TRPM1: variants seen among roughly 807,000 people sequenced by gnomAD.
TRPM1 encodes transient receptor potential cation channel subfamily M member 1, also known as TRPM1-203 APA Isoform, Intron 10.
Under a neutral mutation model 149.4 loss-of-function variants are expected in TRPM1, and 113 were observed. The ratio of observed to expected loss-of-function variants is 0.76; its 90% CI spans 0.65 to 0.88. The LOEUF (loss-of-function observed/expected upper bound fraction) is 0.88, where lower values mean the gene tolerates loss of function less well. Ranked by LOEUF, TRPM1 falls within the 40% of genes least tolerant of loss-of-function variation. The pLI is 0.00. For missense variants in TRPM1, 1,976 were observed against 2,038.7 expected, an observed-to-expected ratio of 0.97 and a Z score of 0.59; for synonymous variants, 741 against 759.5, an observed-to-expected ratio of 0.98 and a Z score of 0.40.
At position 31,035,856 on chromosome 15, in the gene TRPM1, G is replaced by A. The variant is rs185200967; in HGVS notation, c.2572-182C>T. On this transcript the variant is annotated intron_variant, in intron 20 of 27. Transcript: ENST00000256552. ...CAGACAGAAGACCTGGAGGCAGGAC[G>A]GGAGGCATTTTATACTTCAGCACGA... 2.4e-3 allele frequency: 1,958 copies of A among 812,256 alleles called. 8 individuals are homozygous for A. Among genetic ancestry groups the A allele is most frequent in the South Asian group, 3.6e-3 (231 of 63,798 alleles). 50.3% of individuals were successfully genotyped at this position (812,256 alleles called of 1,614,324 possible). A position where few individuals can be genotyped will look rare whatever the true frequency, so the allele number is the denominator to read the frequency against.
chr15:31,067,584 C>T (rs376907799), intron 5 of TRPM1, among the ~76,000 whole-genome samples: 12 of 152,124 alleles, frequency 7.9e-5, no homozygotes, highest in African/African-American at 1.7e-4. Context: ...AAAGGATTGT[C>T]GAGAGGTCTA....
chr15:31,064,777 ACT>A (rs1022561280), intron 7 of TRPM1, among the ~76,000 whole-genome samples: 2 of 152,004 alleles, frequency 1.3e-5, no homozygotes, highest in Non-Finnish European at 2.9e-5. Flanking sequence ...ATGTTGAATA[ACT>A]CTGCTGTGTC....
chr15:31,044,239 C>T (rs2033701687), intron 16 of TRPM1, among the ~76,000 whole-genome samples: 1 of 152,138 alleles, frequency 6.6e-6, no homozygotes. Flanking sequence ...CAATTTATAC[C>T]TTTAATGCAT....
In TRPM1 at chr15:31,072,026, G is replaced by T. The variant is rs1388153809; in HGVS notation, c.84-1800C>A. Among the ~76,000 whole-genome samples, 35 of 103,892 alleles carry T rather than the reference G, an allele frequency of 3.4e-4. 1 individual carries two copies. The highest frequency in any genetic ancestry group is 3.2e-4 in the Non-Finnish European group (14 of 44,428). 68.2% of individuals were successfully genotyped at this position (103,892 alleles called of 152,430 possible). The stretch of plus-strand genomic sequence containing the variant: ...ATATATATATATATATATAGAGAGA[G>T]AGAGAGAGAGAGAGAGAGAGAGAGA... On this transcript the variant is annotated intron_variant, in intron 3 of 27. Coordinates refer to ENST00000256552, the MANE Select transcript of TRPM1 (RefSeq NM_001252024.2).
At chr15:31,105,435 CTGTGTGTGTG>C (rs10525947), upstream of TRPM1, among the ~76,000 whole-genome samples, 2,213 of 148,684 alleles carry the variant, frequency 0.015, 50 homozygotes, top group African/African-American at 0.054. Context: ...CTGTGTGTCT[CTGTGTGTGTG>C]TGTGTGTGTG....
rs1327809434 is a variant in TRPM1, at chr15:31,029,397, T to G, written c.3128-6A>C. The G allele has an allele frequency of 6.2e-7, 1 of 1,613,694 alleles. No individual in the cohort carries two copies. The highest frequency in any genetic ancestry group is 8.5e-7 in the Non-Finnish European group (1 of 1,179,812). On this transcript the variant is annotated splice_polypyrimidine_tract_variant and splice_region_variant and intron_variant, in intron 23 of 27. Coordinates refer to ENST00000256552, the MANE Select transcript of TRPM1 (RefSeq NM_001252024.2). ...ATTAATTTCCATGGCGTAGACTACATGACGATTGGAAAGCAGGATTTTTGT... is the reference window on the plus strand; with the variant it reads ...ATTAATTTCCATGGCGTAGACTACAGGACGATTGGAAAGCAGGATTTTTGT...
At chr15:31,039,350 C>T (rs754909430) in intron 18 of TRPM1, among the ~76,000 whole-genome samples, 4 of 152,114 alleles carry the variant, frequency 2.6e-5, no homozygotes, top group Admixed American at 6.5e-5. Context: ...TGTATAACAT[C>T]AGCTTAGCAT....
At position 31,032,909 on chromosome 15, in the gene TRPM1, T is replaced by C. The variant is rs894622069; in HGVS notation, c.2732A>G (p.Gln911Arg). Residue 911 changes from glutamine (Q) to arginine (R), a missense_variant, in exon 22 of 28, where the codon CAG becomes CGG. Physicochemically the swap from Gln to Arg is conservative, Grantham distance 43. Coordinates refer to ENST00000256552, the MANE Select transcript of TRPM1 (RefSeq NM_001252024.2). ...CTCCTGAAGCCAAACTTTGATTTTC[T>C]GGCTGAGTTTGCCTGGTTCTGACAT... is the stretch of plus-strand genomic sequence containing the variant. Reference protein sequence around the residue: ...ILMSEPGKLSQKIKVWLQEYW... With the variant: ...ILMSEPGKLSRKIKVWLQEYW... The C allele has an allele frequency of 6.2e-7, 1 of 1,614,120 alleles. No individual in the cohort carries two copies. Among genetic ancestry groups the C allele is most frequent in the African/African-American group, 1.3e-5 (1 of 74,950 alleles).
chr15:31,080,826 T>A (rs2034838685), intron 2 of TRPM1, among the ~76,000 whole-genome samples: 1 of 151,036 alleles, frequency 6.6e-6, no homozygotes, highest in African/African-American at 2.4e-5. Flanking sequence ...GCTGGGGCGC[T>A]GTCCAGGAAA....
chr15:31,104,846 G>A (rs1004204359), upstream of TRPM1, among the ~76,000 whole-genome samples: 29 of 152,028 alleles, frequency 1.9e-4, no homozygotes, highest in Admixed American at 1.4e-3. Context: ...CGCCCACCCT[G>A]GCCTCCCAAA....
intron 12 of TRPM1, 119 bp from the exon 13 acceptor site, chr15:31,049,628 T>A: frequency 8.9e-7 from 1 of 1,127,168 alleles, no homozygotes; most frequent in Non-Finnish European, 1.3e-6. Context: ...CACTCCAGCA[T>A]GGTACTCTTT....
intron 1 of TRPM1, among the ~76,000 whole-genome samples, chr15:31,092,589 T>C (rs2035269025): frequency 6.6e-6 from 1 of 152,220 alleles, no homozygotes; most frequent in African/African-American, 2.4e-5. Flanking sequence ...AGAAAACGAT[T>C]TCTCGTTGTC....
chr15:31,082,350 C>T (rs947755060), intron 1 of TRPM1, among the ~76,000 whole-genome samples: 4 of 152,156 alleles, frequency 2.6e-5, no homozygotes, highest in South Asian at 2.1e-4. Flanking sequence ...CTGTCTACCC[C>T]GGCTGAGTGA....
At chr15:31,012,987 T>C (rs1341736802) in intron 27 of TRPM1, among the ~76,000 whole-genome samples, 3 of 149,464 alleles carry the variant, frequency 2.0e-5, no homozygotes, top group East Asian at 1.9e-4. Flanking sequence ...TTTTTTTTTT[T>C]CTTTTTTTTT....
chr15:31,126,632 G>A (rs954366771), intron 1 of TRPM1, among the ~76,000 whole-genome samples: 5 of 152,112 alleles, frequency 3.3e-5, no homozygotes, highest in Admixed American at 2.0e-4. Context: ...TTTTTATTAG[G>A]CATTTGAGAA....
At chr15:31,076,205 G>A (rs1351380547) in intron 3 of TRPM1, among the ~76,000 whole-genome samples, 1 of 152,156 alleles carries the variant, frequency 6.6e-6, no homozygotes, top group Non-Finnish European at 1.5e-5. Context: ...TGGGGATGTG[G>A]AGGGACTGTG....
chr15:31,053,702 T>C lies in TRPM1; in HGVS notation c.1264-3120A>G, dbSNP rs150509673. Among the ~76,000 whole-genome samples the C allele has an allele frequency of 1.1e-3, 160 of 152,210 alleles. 2 individuals are homozygous for C. The highest frequency in any genetic ancestry group is 4.6e-3 in the Admixed American group (71 of 15,288). ...GGAGTTTGGTGATTCTTCAAAAAAT[T>C]AAAAATAGGATTACCGTGTGATCAA... is the stretch of plus-strand genomic sequence containing the variant. On this transcript the variant is annotated intron_variant, in intron 11 of 27. Transcript: ENST00000256552.
chr15:31,042,689 A>C lies in TRPM1; in HGVS notation c.1795-446T>G, dbSNP rs574116336. Among the ~76,000 whole-genome samples, 9 of 112,622 alleles carry C rather than the reference A, an allele frequency of 8.0e-5. No homozygotes were observed. The South Asian group carries it at 1.2e-3, about 15-fold the overall frequency. The allele number at this position is 112,622 out of a possible 152,430, so 73.9% of individuals were successfully genotyped here. A position where few individuals can be genotyped will look rare whatever the true frequency, so the allele number is the denominator to read the frequency against. ...GCTGAACCAGAAATTAACAGGAAAC[A>C]TGCAAAAGGGGCTAGAGAAAATGTT... On this transcript the variant is annotated intron_variant, in intron 16 of 27. Coordinates refer to ENST00000256552, the MANE Select transcript of TRPM1 (RefSeq NM_001252024.2).
At chr15:31,011,175 G>C (rs2032171000) in intron 27 of TRPM1, among the ~76,000 whole-genome samples, 1 of 152,088 alleles carries the variant, frequency 6.6e-6, no homozygotes, top group Non-Finnish European at 1.5e-5. Context: ...CTTTGAATCT[G>C]AAGTGAGTCT....
Sources: gnomAD v4.1 joint callset for allele counts (sites outside exome capture counted in the v4.1 genomes callset) on GRCh38, gnomAD v4.1.1 for gene constraint, MANE v1.5 for transcripts, NCBI Gene and HGNC (gene_info 2026-07-23, HGNC 2026-07-21) for gene names.